The following ENOX2 variants were observed in gnomAD, a reference collection of about 807,000 sequenced individuals.
ENOX2 encodes the protein APK1 antigen.
A neutral mutation model predicts 45.0 loss-of-function variants in ENOX2; 36 were observed. That is an observed-to-expected ratio of 0.80 (90% CI 0.61 to 1.06). The LOEUF is 1.06. Among genes scored for constraint, ENOX2 ranks in the 50% least tolerant of loss-of-function variants. The pLI, the probability that ENOX2 is intolerant of heterozygous loss-of-function variation, is 0.00. For synonymous variants in ENOX2, 174 were observed against 152.3 expected (o/e 1.14, Z -1.05); for missense variants, 423 against 462.5 (o/e 0.91, Z 0.78).
At chrX:130,872,947 A>G (rs1434184323) in intron 2 of ENOX2, among the ~76,000 whole-genome samples, 2 of 112,089 alleles carry the variant, frequency 1.8e-5, no homozygotes, top group Non-Finnish European at 3.8e-5. Context: ...AAAACCCTAA[A>G]AGAAAACCTA....
chrX:130,858,271 A>G (rs970585417), intron 2 of ENOX2, among the ~76,000 whole-genome samples: 2 of 110,136 alleles, frequency 1.8e-5, no homozygotes, highest in African/African-American at 6.6e-5. Context: ...GCATGCCAGC[A>G]CACCTGGCTA....
intron 3 of ENOX2, among the ~76,000 whole-genome samples, chrX:130,757,048 T>A (rs1035402608): frequency 1.8e-5 from 2 of 112,388 alleles, no homozygotes; most frequent in African/African-American, 6.5e-5. Flanking sequence ...AAAATTTTCA[T>A]ACGTCCCATA....
chrX:130,815,638 A>G, intron 2 of ENOX2, among the ~76,000 whole-genome samples: 1 of 112,166 alleles, frequency 8.9e-6, no homozygotes, highest in Non-Finnish European at 1.9e-5. Flanking sequence ...TTTCATATCC[A>G]TCGAAACTAA....
intron 1 of ENOX2, among the ~76,000 whole-genome samples, 169 bp from the exon 2 acceptor site, chrX:130,901,900 A>G (rs780349726): frequency 8.9e-6 from 1 of 111,846 alleles, no homozygotes; most frequent in Admixed American, 9.4e-5. Flanking sequence ...TTTTATTCCA[A>G]TCAGGCAAGC....
intron 3 of ENOX2, among the ~76,000 whole-genome samples, chrX:130,776,595 T>C (rs137900033): frequency 0.015 from 1,688 of 111,567 alleles, 32 homozygotes; most frequent in African/African-American, 0.052. Context: ...CAGATGCCAG[T>C]ACCATGCTTC....
Position 130,847,762 on chromosome X carries a change from G to C in ENOX2, c.-183+53922C>G, listed in dbSNP as rs186025551. On this transcript the variant is annotated intron_variant, in intron 2 of 14. Coordinates refer to ENST00000394363, the MANE Select transcript of ENOX2 (RefSeq NM_006375.4). ...ACTGACCATGATACAAACTATTGTT[G>C]TACATTATATAATGTTCAATGATTC... 3.6e-5 allele frequency among the ~76,000 whole-genome samples: 4 copies of C among 112,290 alleles called. No individual in the cohort carries two copies. In the East Asian group the frequency reaches 1.1e-3, roughly 31 times the overall value.
At position 130,710,716 on chromosome X, in the gene ENOX2, G is replaced by A. The variant is rs375285678; in HGVS notation, c.-38-7462C>T. Among the ~76,000 whole-genome samples, 12 of 110,080 alleles carry A rather than the reference G, an allele frequency of 1.1e-4. No individual in the cohort carries two copies. In the East Asian group the frequency reaches 3.4e-3, roughly 31 times the overall value. ...ACATGTATAGGCAACTCCAACTTCT[G>A]TAGTTTATGCCGTACCCTACTCTCT... is the stretch of plus-strand genomic sequence containing the variant. On this transcript the variant is annotated intron_variant, in intron 3 of 14. Transcript: ENST00000394363.
intron 4 of ENOX2, among the ~76,000 whole-genome samples, chrX:130,690,753 C>T (rs2037570405): frequency 9.0e-6 from 1 of 110,553 alleles, no homozygotes; most frequent in African/African-American, 3.3e-5. Flanking sequence ...CCCAGGATTC[C>T]CACAGAAGCA....
At chrX:130,762,354 C>G (rs1235604022) in intron 3 of ENOX2, among the ~76,000 whole-genome samples, 1 of 111,963 alleles carries the variant, frequency 8.9e-6, no homozygotes, top group Non-Finnish European at 1.9e-5. Context: ...GTGGGAGGAT[C>G]ACTTGAGGCC....
At chrX:130,883,118 G>T (rs1294983157) in intron 2 of ENOX2, among the ~76,000 whole-genome samples, 1 of 111,123 alleles carries the variant, frequency 9.0e-6, no homozygotes, top group Non-Finnish European at 1.9e-5. Flanking sequence ...GTTTTGTTTT[G>T]TTTTTTTCTG....
intron 2 of ENOX2, among the ~76,000 whole-genome samples, chrX:130,878,144 G>C (rs1408593668): frequency 8.9e-6 from 1 of 112,071 alleles, no homozygotes; most frequent in Non-Finnish European, 1.9e-5. Context: ...CATTGCCTTA[G>C]ATCATATTCC....
intron 2 of ENOX2, among the ~76,000 whole-genome samples, chrX:130,842,580 C>T (rs2078033719): frequency 9.0e-6 from 1 of 111,607 alleles, no homozygotes; most frequent in South Asian, 3.8e-4. Flanking sequence ...TACAACAACC[C>T]TTTCAAAGGT....
intron 2 of ENOX2, among the ~76,000 whole-genome samples, chrX:130,879,363 T>A (rs1451913020): frequency 9.0e-6 from 1 of 111,650 alleles, no homozygotes; most frequent in African/African-American, 3.3e-5. Context: ...TTCTCCCATT[T>A]TACGCAGATC....
chrX:130,830,734 G>A (rs1298389256), intron 2 of ENOX2, among the ~76,000 whole-genome samples: 2 of 111,437 alleles, frequency 1.8e-5, no homozygotes, highest in African/African-American at 6.5e-5. Context: ...TCTTGAATCT[G>A]TACATTTTTC....
At chrX:130,787,751 GT>G (rs746356747) in intron 2 of ENOX2, among the ~76,000 whole-genome samples, 1 of 111,933 alleles carries the variant, frequency 8.9e-6, no homozygotes, top group Admixed American at 9.5e-5. Context: ...GAGATTTCAA[GT>G]ACTTTCTGTG....
chrX:130,687,787 A>G (rs1603306199), intron 5 of ENOX2, among the ~76,000 whole-genome samples: 1 of 111,936 alleles, frequency 8.9e-6, no homozygotes, highest in African/African-American at 3.2e-5. Context: ...TTCTAGCAAA[A>G]GAGGCCAAGA....
At chrX:130,657,625 T>A (rs925892879) in intron 9 of ENOX2, among the ~76,000 whole-genome samples, 2 of 112,562 alleles carry the variant, frequency 1.8e-5, no homozygotes, top group Admixed American at 1.9e-4. Context: ...CTAAAATAAC[T>A]GAAATGACAA....
chrX:130,658,417 C>G (rs1185283576), intron 9 of ENOX2, among the ~76,000 whole-genome samples: 2 of 111,454 alleles, frequency 1.8e-5, no homozygotes, highest in Admixed American at 9.5e-5. Flanking sequence ...ATCTAAGATA[C>G]ATGTAAATAA....
intron 3 of ENOX2, chrX:130,709,360 G>A: frequency 1.0e-6 from 1 of 974,256 alleles, no homozygotes; most frequent in Non-Finnish European, 1.5e-6. Flanking sequence ...AGTCTCAGCT[G>A]GGCGTGGTAG....
Sources: gnomAD v4.1 joint callset for allele counts (sites outside exome capture counted in the v4.1 genomes callset) on GRCh38, gnomAD v4.1.1 for gene constraint, MANE v1.5 for transcripts, NCBI Gene and HGNC (gene_info 2026-07-23, HGNC 2026-07-21) for gene names.